The following NT5DC4 variants were observed in gnomAD, a reference collection of about 807,000 sequenced individuals.
The protein encoded by NT5DC4 is 5'-nucleotidase domain containing 4.
A neutral mutation model predicts 26.6 loss-of-function variants in NT5DC4; 44 were observed. The observed-to-expected ratio is 1.65, with a 90% confidence interval of 1.30 to 2.13. The LOEUF (loss-of-function observed/expected upper bound fraction) is 2.13, where lower values mean the gene tolerates loss of function less well. Ranked by LOEUF, NT5DC4 falls within the 30% of genes most tolerant of loss-of-function variation. The pLI is 0.00. For synonymous variants in NT5DC4, 157 were observed against 86.7 expected, an observed-to-expected ratio of 1.81 and a Z score of -4.51; for missense variants, 399 against 228.1, an observed-to-expected ratio of 1.75 and a Z score of -4.83.
chr2:112,738,573 G>A, intron 16 of NT5DC4: 1 of 491,614 alleles, frequency 2.0e-6, no homozygotes, highest in Non-Finnish European at 3.6e-6. Context: ...TATCATAGTT[G>A]TAGGGTAAAT....
At chr2:112,728,985 G>A (rs1678116566) in intron 15 of NT5DC4, among the ~76,000 whole-genome samples, 1 of 152,188 alleles carries the variant, frequency 6.6e-6, no homozygotes, top group Non-Finnish European at 1.5e-5. Flanking sequence ...GGCAAAGCTG[G>A]GGGTCCAGGC....
At chr2:112,731,994 C>G (rs1390571040) in intron 16 of NT5DC4, among the ~76,000 whole-genome samples, 1 of 148,252 alleles carries the variant, frequency 6.7e-6, no homozygotes, top group African/African-American at 2.5e-5. Flanking sequence ...ACGATCTCGG[C>G]TCCACCTCCT....
intron 10 of NT5DC4, 94 bp from the exon 11 acceptor site, chr2:112,724,687 T>G (rs987791680): frequency 3.0e-6 from 2 of 674,626 alleles, no homozygotes; most frequent in Non-Finnish European, 5.5e-6. Flanking sequence ...AGCTGGGAGG[T>G]TGGTGGGGAG....
Position 112,722,644 on chromosome 2 carries a change from C to A in NT5DC4, c.469+55C>A. The A allele has an allele frequency of 5.6e-6, 4 of 717,466 alleles. No individual in the cohort carries two copies. The South Asian group carries it at 5.9e-5, about 11-fold the overall frequency. The allele number at this position is 717,466 out of a possible 1,614,324, so 44.4% of individuals were successfully genotyped here. ...GGTCCTGAGTTCCGGAGCTGAGGGT[C>A]CCAGCTCTGTCCTGGTGGAGAACTG... On this transcript the variant is annotated intron_variant, in intron 5 of 16. Transcript: ENST00000688554.
At chr2:112,740,761 G>C (rs1283011289), downstream of NT5DC4, 2 of 1,412,072 alleles carry the variant, frequency 1.4e-6, no homozygotes, top group South Asian at 2.6e-5. Flanking sequence ...AGGAAAAATC[G>C]AGACTTGGAC....
intron 14 of NT5DC4, 43 bp from the exon 15 acceptor site, chr2:112,726,635 G>A (rs749819768): frequency 1.4e-6 from 1 of 717,466 alleles, no homozygotes; most frequent in Non-Finnish European, 2.6e-6. Context: ...GGCACTCGGA[G>A]GCTCTGTGCC....
chr2:112,739,244 A>G (rs950829216), downstream of NT5DC4, among the ~76,000 whole-genome samples: 2 of 152,190 alleles, frequency 1.3e-5, no homozygotes, highest in Non-Finnish European at 2.9e-5. Context: ...ACATAGCAAC[A>G]CACTATCTTT....
upstream of NT5DC4, among the ~76,000 whole-genome samples, chr2:112,720,012 C>CCCTTCCTTCCTT (rs770903380): frequency 2.5e-4 from 24 of 97,678 alleles, no homozygotes; most frequent in African/African-American, 1.2e-3. Context: ...CTTTTCTTTT[C>CCCTTCCTTCCTT]CCTTCCTTCC....
intron 16 of NT5DC4, chr2:112,737,441 AGTG>A (rs1679368212): frequency 6.6e-6 from 1 of 152,188 alleles, no homozygotes; most frequent in African/African-American, 2.4e-5. Flanking sequence ...GATAGCTCAC[AGTG>A]GTTTTAATTT....
Position 112,722,569 on chromosome 2 carries a change from A to C in NT5DC4, c.449A>C (p.Asn150Thr). The C allele has an allele frequency of 1.4e-6, 1 of 717,382 alleles. No homozygotes were observed. The highest frequency in any genetic ancestry group is 2.6e-6 in the Non-Finnish European group (1 of 385,058). 44.4% of individuals were successfully genotyped at this position (717,382 alleles called of 1,614,324 possible). A position where few individuals can be genotyped will look rare whatever the true frequency, so the allele number is the denominator to read the frequency against. Residue 150 changes from asparagine (N) to threonine (T), a missense_variant, in exon 5 of 17, where the codon AAC becomes ACC. Transcript: ENST00000688554. ...GACCTGCAGTGTTTCTACATACTCAACATGCTCTTCAACCTGCCTGGTGGG... is the reference window on the plus strand; with the variant it reads ...GACCTGCAGTGTTTCTACATACTCACCATGCTCTTCAACCTGCCTGGTGGG... ...RDDLQCFYIL[N>T]MLFNLPETYL...
chr2:112,719,844 C>T (rs147617041), upstream of NT5DC4, among the ~76,000 whole-genome samples: 1,678 of 119,328 alleles, frequency 0.014, 62 homozygotes, highest in African/African-American at 0.054. Flanking sequence ...CCTTCCTTCC[C>T]TCCCTCCCTC....
upstream of NT5DC4, among the ~76,000 whole-genome samples, chr2:112,719,538 T>C (rs1335984742): frequency 7.6e-6 from 1 of 132,448 alleles, no homozygotes; most frequent in Non-Finnish European, 1.5e-5. Flanking sequence ...CAGGCTGGAG[T>C]GCAGTGGCAC....
In NT5DC4 at chr2:112,738,416, G is replaced by C. The variant is rs933434163; in HGVS notation, c.1345-497G>C. On this transcript the variant is annotated intron_variant, in intron 16 of 16. Coordinates refer to ENST00000688554, the MANE Select transcript of NT5DC4 (RefSeq NM_001393655.1). ...AAGGTCCATTCAGCCTGTCAAGCTAGCGTCAAAGTTCAGATCTTCCACGAT... is the reference window on the plus strand; with the variant it reads ...AAGGTCCATTCAGCCTGTCAAGCTACCGTCAAAGTTCAGATCTTCCACGAT... 2.2e-5 allele frequency: 4 copies of C among 179,644 alleles called. No individual in the cohort carries two copies. The Admixed American group carries it at 2.3e-4, about 10-fold the overall frequency. 11.1% of individuals were successfully genotyped at this position (179,644 alleles called of 1,614,324 possible).
chr2:112,724,231 T>G, intron 10 of NT5DC4, 105 bp downstream of exon 10: 1 of 706,304 alleles, frequency 1.4e-6, no homozygotes, highest in African/African-American at 1.7e-5. Context: ...CCAGCCTCCC[T>G]TTGAGGAAGA....
intron 14 of NT5DC4, 113 bp downstream of exon 14, chr2:112,726,402 G>A: frequency 8.6e-6 from 6 of 694,444 alleles, no homozygotes; most frequent in Non-Finnish European, 1.6e-5. Flanking sequence ...AGAACATCAA[G>A]ATCTGTTTCA....
At chr2:112,719,978 CTTTCTTTCT>C (rs1676733643), upstream of NT5DC4, among the ~76,000 whole-genome samples, 5 of 81,762 alleles carry the variant, frequency 6.1e-5, no homozygotes, top group Admixed American at 3.0e-4. Flanking sequence ...TTCTTTCTTT[CTTTCTTTCT>C]TTTTCTTTTC....
upstream of NT5DC4, among the ~76,000 whole-genome samples, chr2:112,719,708 A>G (rs560245587): frequency 6.8e-6 from 1 of 148,120 alleles, no homozygotes; most frequent in Non-Finnish European, 1.5e-5. Flanking sequence ...CTTGTCTCAA[A>G]CTCCCGACCT....
At chr2:112,737,425 T>C (rs990595488) in intron 16 of NT5DC4, 3 of 152,224 alleles carry the variant, frequency 2.0e-5, no homozygotes, top group African/African-American at 7.2e-5. Context: ...CTTATAGATG[T>C]GAGGTGATAG....
At chr2:112,740,754 A>C, downstream of NT5DC4, 1 of 1,380,532 alleles carries the variant, frequency 7.2e-7, no homozygotes, top group Non-Finnish European at 1.0e-6. Flanking sequence ...TCTGTGAAGG[A>C]AAAATCGAGA....
Sources: allele counts gnomAD v4.1 joint callset (sites outside exome capture counted in the v4.1 genomes callset), GRCh38; gene constraint gnomAD v4.1.1; transcripts MANE v1.5; gene names NCBI Gene and HGNC (gene_info 2026-07-23, HGNC 2026-07-21).